Variants in RSRC2 observed in about 807,000 individuals in gnomAD.
RSRC2 encodes arginine and serine rich coiled-coil 2.
A neutral mutation model predicts 61.3 loss-of-function variants in RSRC2; 5 were observed. That is an observed-to-expected ratio of 0.08 (90% confidence interval 0.04 to 0.17). The LOEUF (loss-of-function observed/expected upper bound fraction) is 0.17. RSRC2 is among the 10% of genes least tolerant of loss of function. The pLI is 1.00. For synonymous variants in RSRC2, 202 were observed against 166.5 expected (o/e 1.21, Z -1.64); for missense variants, 381 against 518.8 (o/e 0.73, Z 2.58).
intron 4 of RSRC2, among the ~76,000 whole-genome samples, chr12:122,518,585 T>C (rs1385207936): frequency 1.0e-5 from 1 of 98,852 alleles, no homozygotes; most frequent in Non-Finnish European, 1.9e-5. Flanking sequence ...ACAGCAAGAC[T>C]CCGTGTCAAA....
chr12:122,505,773 A>G lies in RSRC2; in HGVS notation c.1126-67T>C, dbSNP rs1958073401. ...GATAAATATTCTCTCACTTGACACT[A>G]TTTTTTATGTATTTTTTTTTTTTGA... On this transcript the variant is annotated intron_variant, in intron 9 of 9. Transcript: ENST00000331738. The G allele has an allele frequency of 4.4e-6, 6 of 1,366,462 alleles. No homozygotes were observed. In the African/African-American group the frequency reaches 4.6e-5, roughly 10 times the overall value. 84.6% of individuals were successfully genotyped at this position (1,366,462 alleles called of 1,614,324 possible).
chr12:122,520,985 C>T (rs575636973), intron 3 of RSRC2: 87 of 213,796 alleles, frequency 4.1e-4, no homozygotes, highest in Non-Finnish European at 6.8e-4. Context: ...TGTTATCGTT[C>T]ATAAGGAAAA....
chr12:122,523,893 C>T (rs960364568), intron 1 of RSRC2: 11 of 152,120 alleles, frequency 7.2e-5, no homozygotes, highest in South Asian at 2.1e-4. Flanking sequence ...AAATTAAAAA[C>T]AGAAAGGTTT....
chr12:122,508,278 T>G lies in RSRC2; in HGVS notation c.975A>C (p.Pro325=), dbSNP rs748425593. ...PSYYNPAAVN[P]MKFAEQEKKR... ...TTTTCTCTTGTTCAGCAAATTTCAT[T>G]GGATTAACAGCGGCTGGGTTATAGT... Residue 325 remains proline, a synonymous_variant, in exon 8 of 10, where the codon CCA becomes CCC. Coordinates refer to ENST00000331738, the MANE Select transcript of RSRC2 (RefSeq NM_023012.6). 2 of 1,614,218 alleles carry G rather than the reference T, an allele frequency of 1.2e-6. No individual in the cohort carries two copies. The highest frequency in any genetic ancestry group is 1.7e-6 in the Non-Finnish European group (2 of 1,180,048).
At chr12:122,512,285 T>C (rs1462621985) in intron 6 of RSRC2, among the ~76,000 whole-genome samples, 1 of 152,254 alleles carries the variant, frequency 6.6e-6, no homozygotes, top group Non-Finnish European at 1.5e-5. Flanking sequence ...CTTTTCTTCC[T>C]AAGGATTCCC....
intron 5 of RSRC2, among the ~76,000 whole-genome samples, chr12:122,516,972 A>G (rs998296184): frequency 3.3e-5 from 5 of 152,216 alleles, no homozygotes; most frequent in African/African-American, 1.2e-4. Context: ...AAACCACGAC[A>G]CCTAGCCAAC....
At chr12:122,525,745 C>T (rs895074105) in intron 1 of RSRC2, among the ~76,000 whole-genome samples, 2 of 149,512 alleles carry the variant, frequency 1.3e-5, no homozygotes, top group African/African-American at 2.4e-5. Context: ...CACACGCAGG[C>T]TTATTGTTCA....
intron 6 of RSRC2, among the ~76,000 whole-genome samples, chr12:122,511,570 A>G (rs1371838138): frequency 2.0e-5 from 3 of 152,226 alleles, no homozygotes; most frequent in African/African-American, 7.2e-5. Context: ...TTGAGGGAGA[A>G]AAAGCCAGCC....
In RSRC2 at chr12:122,505,300, A is replaced by G. The variant is rs1034462574; in HGVS notation, c.*227T>C. 1 of 385,672 alleles carries G rather than the reference A, an allele frequency of 2.6e-6. No individual in the cohort carries two copies. The highest frequency in any genetic ancestry group is 4.6e-6 in the Non-Finnish European group (1 of 218,068). The allele number at this position is 385,672 out of a possible 1,614,324, so 23.9% of individuals were successfully genotyped here. A position where few individuals can be genotyped will look rare whatever the true frequency, so the allele number is the denominator to read the frequency against. ...GAAAAGTAGAATTCATGAACTAAAA[A>G]ATATTATCCTTCTATAGTCCTGTCA... On this transcript the variant is annotated 3_prime_UTR_variant, in exon 10 of 10. Transcript: ENST00000331738.
intron 1 of RSRC2, among the ~76,000 whole-genome samples, chr12:122,526,621 G>T (rs148309745): frequency 5.1e-4 from 78 of 152,054 alleles, no homozygotes; most frequent in Non-Finnish European, 9.6e-4. Context: ...AAGAGAGGAG[G>T]AAAGTTCTGG....
At chr12:122,526,666 C>G (rs75474339) in intron 1 of RSRC2, among the ~76,000 whole-genome samples, 182 bp downstream of exon 1, 3,157 of 152,166 alleles carry the variant, frequency 0.021, 121 homozygotes, top group African/African-American at 0.073. Context: ...TCCCCACCCC[C>G]ACCAACACCG....
rs1486256478 is a variant in RSRC2, at chr12:122,518,574, C to T, written c.398+265G>A. On this transcript the variant is annotated intron_variant, in intron 4 of 9. Transcript: ENST00000331738. ...TGCCACTGCACTCCAGCCTGGGCAA[C>T]ACAGCAAGACTCCGTGTCAAAAAAA... 2.1e-5 allele frequency among the ~76,000 whole-genome samples: 3 copies of T among 140,666 alleles called. No homozygotes were observed. In the East Asian group the frequency reaches 6.2e-4, roughly 29 times the overall value. The allele number at this position is 140,666 out of a possible 152,430, so 92.3% of individuals were successfully genotyped here. A position where few individuals can be genotyped will look rare whatever the true frequency, so the allele number is the denominator to read the frequency against.
At chr12:122,511,318 G>A (rs1958492139) in intron 6 of RSRC2, 130 bp from the exon 7 acceptor site, 3 of 571,742 alleles carry the variant, frequency 5.2e-6, no homozygotes, top group African/African-American at 1.9e-5. Flanking sequence ...TCCCTCCACC[G>A]ATAGCCGTAT....
Position 122,526,911 on chromosome 12 carries a change from G to A in RSRC2, c.-58C>T, listed in dbSNP as rs762180346. The A allele has an allele frequency of 1.6e-5, 26 of 1,607,692 alleles. No individual in the cohort carries two copies. In the Admixed American group the frequency reaches 3.2e-4, roughly 20 times the overall value. On this transcript the variant is annotated 5_prime_UTR_variant, in exon 1 of 10. Transcript: ENST00000331738. The stretch of plus-strand genomic sequence containing the variant: ...CCACTTGTCGCTTTCAACAGTACCG[G>A]CCGCTCCGAAGCTTCGCCTCAGACT...
rs769562542 is a variant in RSRC2, at chr12:122,515,225, T to C, written c.605A>G (p.Asp202Gly). The change falls in exon 6 of 10, where the codon GAT (aspartate) becomes GGT (glycine). Residue 202 changes from aspartate (D) to glycine (G), a missense_variant and splice_region_variant. Coordinates refer to ENST00000331738, the MANE Select transcript of RSRC2 (RefSeq NM_023012.6). ...CGGCTTTTCAATTCTCTTCTTTCTATCTCTGTAGTAAATCGTATTTCATAT... is the reference window on the plus strand; with the variant it reads ...CGGCTTTTCAATTCTCTTCTTTCTACCTCTGTAGTAAATCGTATTTCATAT... Reference protein sequence around the residue: ...SRSRTRSRSRDRKKRIEKPRR... With the variant: ...SRSRTRSRSRGRKKRIEKPRR... 1 of 1,613,434 alleles carries C rather than the reference T, an allele frequency of 6.2e-7. No homozygotes were observed. Among genetic ancestry groups the C allele is most frequent in the Non-Finnish European group, 8.5e-7 (1 of 1,179,782 alleles).
chr12:122,523,349 C>T (rs1390251384), intron 1 of RSRC2: 1 of 152,130 alleles, frequency 6.6e-6, no homozygotes, highest in African/African-American at 2.4e-5. Flanking sequence ...AACCCTGCTT[C>T]TACTAAAAAC....
At chr12:122,509,712 T>C (rs1017871915) in intron 7 of RSRC2, among the ~76,000 whole-genome samples, 1 of 152,130 alleles carries the variant, frequency 6.6e-6, no homozygotes, top group Non-Finnish European at 1.5e-5. Context: ...TTTGTAAACT[T>C]TTAGAGTTTC....
In RSRC2 at chr12:122,511,131, T is replaced by C. The variant is rs781621422; in HGVS notation, c.783A>G (p.Gln261=). ...TACCTGCAGCTATTTCTTGTTGTTT[T>C]TGTTTTTCAACCATTTCCTTTTCTC... The part of the protein sequence containing the change: ...EQREKEMVEK[Q]KQQEIAAAAA... The change falls in exon 7 of 10, where the codon CAA becomes CAG. Residue 261 remains glutamine (Q), a synonymous_variant. Coordinates refer to ENST00000331738, the MANE Select transcript of RSRC2 (RefSeq NM_023012.6). The C allele has an allele frequency of 3.1e-6, 5 of 1,606,976 alleles. No individual in the cohort carries two copies. The South Asian group carries it at 4.4e-5, about 14-fold the overall frequency.
chr12:122,522,457 G>A (rs1593421512), intron 1 of RSRC2, 158 bp from the exon 2 acceptor site: 1 of 619,256 alleles, frequency 1.6e-6, no homozygotes, highest in East Asian at 3.1e-5. Flanking sequence ...ACACTAATAA[G>A]GCTGAATGGC....
Sources: gnomAD v4.1 joint callset for allele counts (sites outside exome capture counted in the v4.1 genomes callset) on GRCh38, gnomAD v4.1.1 for gene constraint, MANE v1.5 for transcripts, NCBI Gene and HGNC (gene_info 2026-07-23, HGNC 2026-07-21) for gene names.